ZMYND11: variants seen among roughly 807,000 people sequenced by gnomAD.
ZMYND11 encodes the protein zinc finger MYND domain-containing protein 11.
In ZMYND11, 9 loss-of-function variants were observed where a neutral mutation model predicts 84.9. The ratio of observed to expected loss-of-function variants is 0.11; its 90% CI spans 0.06 to 0.18. ZMYND11 has a LOEUF of 0.18. Ranked by LOEUF, ZMYND11 falls within the 10% of genes least tolerant of loss-of-function variation. The pLI, the probability that ZMYND11 is intolerant of heterozygous loss-of-function variation, is 1.00. For synonymous variants in ZMYND11, 250 were observed against 244.1 expected (o/e 1.02, Z -0.23); for missense variants, 409 against 761.0 (o/e 0.54, Z 5.44).
chr10:186,821 T>C (rs1938681639), intron 2 of ZMYND11, among the ~76,000 whole-genome samples: 1 of 152,176 alleles, frequency 6.6e-6, no homozygotes, highest in South Asian at 2.1e-4. Context: ...TTGTTCCATC[T>C]AATTGTGATG....
At chr10:131,279 A>T (rs1835307468), upstream of ZMYND11, among the ~76,000 whole-genome samples, 2 of 152,178 alleles carry the variant, frequency 1.3e-5, no homozygotes, top group Admixed American at 6.5e-5. Flanking sequence ...GAAGCATATT[A>T]ACCTGAGTAT....
intron 2 of ZMYND11, among the ~76,000 whole-genome samples, chr10:207,071 G>A (rs1944324106): frequency 6.6e-6 from 1 of 152,004 alleles, no homozygotes; most frequent in South Asian, 2.1e-4. Context: ...TCCCATCTAT[G>A]AGTGAGAACA....
chr10:242,546 A>G (rs1384202724), intron 10 of ZMYND11, among the ~76,000 whole-genome samples: 2 of 152,218 alleles, frequency 1.3e-5, no homozygotes, highest in Admixed American at 1.3e-4. Context: ...TGATCTTACA[A>G]TGTGTGTAAA....
Position 207,074 on chromosome 10 carries a change from T to C in ZMYND11, c.117-2815T>C, listed in dbSNP as rs915389139. Among the ~76,000 whole-genome samples the C allele has an allele frequency of 2.6e-5, 4 of 152,158 alleles. No individual in the cohort carries two copies. In the East Asian group the frequency reaches 5.8e-4, roughly 22 times the overall value. On this transcript the variant is annotated intron_variant, in intron 2 of 14. Coordinates refer to ENST00000381604, the MANE Select transcript of ZMYND11 (RefSeq NM_001370100.5). Reference sequence around the variant, plus strand: ...TCATTGTTCAATTCCCATCTATGAGTGAGAACATGCAGTGTTTGGTTTTTT... The same window carrying C: ...TCATTGTTCAATTCCCATCTATGAGCGAGAACATGCAGTGTTTGGTTTTTT...
intron 4 of ZMYND11, among the ~76,000 whole-genome samples, 160 bp from the exon 5 acceptor site, chr10:236,678 T>A (rs554500733): frequency 1.9e-4 from 29 of 152,362 alleles, no homozygotes; most frequent in Middle Eastern, 3.4e-3. Flanking sequence ...CTGTTTTTTT[T>A]ATGCAAATGT....
chr10:223,607 T>C (rs909696951), intron 4 of ZMYND11, among the ~76,000 whole-genome samples: 2 of 152,184 alleles, frequency 1.3e-5, no homozygotes, highest in African/African-American at 4.8e-5. Flanking sequence ...AGGGTGAGGA[T>C]GGAGAGTTTT....
At position 254,354 on chromosome 10, in the gene ZMYND11, T is replaced by C. The variant is rs1589346035; in HGVS notation, c.*1884T>C. 1 of 152,600 alleles carries C rather than the reference T, an allele frequency of 6.6e-6. No homozygotes were observed. The highest frequency in any genetic ancestry group is 2.4e-5 in the African/African-American group (1 of 41,440). 9.5% of individuals were successfully genotyped at this position (152,600 alleles called of 1,614,324 possible). On this transcript the variant is annotated 3_prime_UTR_variant, in exon 15 of 15. Coordinates refer to ENST00000381604, the MANE Select transcript of ZMYND11 (RefSeq NM_001370100.5). ...AAGTTACTACAGCGTGAAAACTGTGTGTTTAAAAAAAAACAAAATTAAAAA... is the reference window on the plus strand; with the variant it reads ...AAGTTACTACAGCGTGAAAACTGTGCGTTTAAAAAAAAACAAAATTAAAAA...
chr10:157,002 T>A (rs1373192092), intron 1 of ZMYND11, among the ~76,000 whole-genome samples: 1 of 152,210 alleles, frequency 6.6e-6, no homozygotes, highest in Admixed American at 6.5e-5. Flanking sequence ...GTTTGTTTTT[T>A]TAACTGAATT....
At chr10:184,455 A>G (rs1848515921) in intron 2 of ZMYND11, among the ~76,000 whole-genome samples, 1 of 151,898 alleles carries the variant, frequency 6.6e-6, no homozygotes, top group Non-Finnish European at 1.5e-5. Context: ...TTTATGTAAC[A>G]TTATCTGGTG....
At chr10:224,064 C>T (rs1364951081) in intron 4 of ZMYND11, among the ~76,000 whole-genome samples, 1 of 152,154 alleles carries the variant, frequency 6.6e-6, no homozygotes, top group Non-Finnish European at 1.5e-5. Context: ...GGAAGCTAAC[C>T]ATTACTACCT....
chr10:162,439 ATTTT>A (rs782016085), intron 1 of ZMYND11, among the ~76,000 whole-genome samples: 1 of 146,906 alleles, frequency 6.8e-6, no homozygotes, highest in South Asian at 2.2e-4. Context: ...GCCACATCAG[ATTTT>A]TTTTTTTTTT....
intron 3 of ZMYND11, chr10:218,481 G>T: frequency 2.5e-6 from 1 of 392,546 alleles, no homozygotes; most frequent in Non-Finnish European, 5.1e-6. Context: ...CTTTCTCCAG[G>T]ACAGCAGCCC....
intron 3 of ZMYND11, among the ~76,000 whole-genome samples, chr10:210,683 T>C (rs909627701): frequency 1.3e-5 from 2 of 152,178 alleles, no homozygotes; most frequent in African/African-American, 2.4e-5. Flanking sequence ...TGCTTCTCTT[T>C]CCTTTCATTA....
chr10:249,128 G>T (rs1279408643), intron 14 of ZMYND11, 40 bp downstream of exon 14: 1 of 1,612,740 alleles, frequency 6.2e-7, no homozygotes, highest in Admixed American at 1.7e-5. Context: ...TTCTGAAAAT[G>T]TACCACAGGT....
intron 3 of ZMYND11, among the ~76,000 whole-genome samples, chr10:219,254 G>T (rs1009136444): frequency 2.0e-5 from 3 of 152,130 alleles, no homozygotes; most frequent in Admixed American, 6.5e-5. Flanking sequence ...GTATGCACAG[G>T]AATTATACTC....
intron 2 of ZMYND11, among the ~76,000 whole-genome samples, chr10:207,159 G>A (rs566849010): frequency 6.6e-6 from 1 of 152,298 alleles, no homozygotes; most frequent in East Asian, 1.9e-4. Context: ...CCCTACAAAG[G>A]ACATGTACTC....
intron 3 of ZMYND11, among the ~76,000 whole-genome samples, chr10:217,757 T>G (rs942208351): frequency 6.6e-6 from 1 of 152,270 alleles, no homozygotes; most frequent in East Asian, 1.9e-4. Flanking sequence ...AAAAACCGTG[T>G]AGACTGCGTA....
At chr10:187,450 C>T (rs1047728137) in intron 2 of ZMYND11, among the ~76,000 whole-genome samples, 15 of 151,690 alleles carry the variant, frequency 9.9e-5, no homozygotes, top group South Asian at 4.2e-4. Flanking sequence ...TTGGCTAACA[C>T]GGTGAAACCC....
intron 4 of ZMYND11, among the ~76,000 whole-genome samples, chr10:225,912 C>T (rs1948037149): frequency 6.6e-6 from 1 of 152,278 alleles, no homozygotes; most frequent in Admixed American, 6.5e-5. Flanking sequence ...TCGAGAGCTT[C>T]TTTGGTGGTG....
Sources: gnomAD v4.1 joint callset for allele counts (sites outside exome capture counted in the v4.1 genomes callset) on GRCh38, gnomAD v4.1.1 for gene constraint, MANE v1.5 for transcripts, NCBI Gene and HGNC (gene_info 2026-07-23, HGNC 2026-07-21) for gene names.